ADARB2: variants seen among roughly 807,000 people sequenced by gnomAD.
ADARB2 encodes inactive double-stranded RNA-specific editase B2.
ADARB2 carries 25 observed loss-of-function variants against 62.2 expected under a neutral mutation model. That is an observed-to-expected ratio of 0.40 (90% confidence interval 0.29 to 0.56). ADARB2 has a LOEUF of 0.56. Among genes scored for constraint, ADARB2 ranks in the 20% least tolerant of loss-of-function variants. The pLI is 0.43. For synonymous variants in ADARB2, 572 were observed against 500.8 expected, an observed-to-expected ratio of 1.14 and a Z score of -1.90; for missense variants, 1,071 against 1,077.4, an observed-to-expected ratio of 0.99 and a Z score of 0.08.
At chr10:1,327,283 T>G (rs878926635) in intron 3 of ADARB2, among the ~76,000 whole-genome samples, 2 of 62,472 alleles carry the variant, frequency 3.2e-5, no homozygotes, top group Non-Finnish European at 6.7e-5. Flanking sequence ...CAGCGCCTCC[T>G]CACTGCCCAG....
At chr10:1,518,743 C>T (rs181235486) in intron 1 of ADARB2, among the ~76,000 whole-genome samples, 10 of 151,156 alleles carry the variant, frequency 6.6e-5, no homozygotes, top group Non-Finnish European at 1.0e-4. Flanking sequence ...TATTGTCATA[C>T]GCATGCATTC....
intron 3 of ADARB2, among the ~76,000 whole-genome samples, chr10:1,284,325 G>A (rs530902162): frequency 3.3e-5 from 5 of 152,258 alleles, no homozygotes; most frequent in South Asian, 2.1e-4. Context: ...GCCTGGCACC[G>A]AGGGCACGTC....
intron 3 of ADARB2, among the ~76,000 whole-genome samples, chr10:1,273,610 G>A (rs1306173872): frequency 6.6e-6 from 1 of 152,186 alleles, no homozygotes; most frequent in Non-Finnish European, 1.5e-5. Context: ...TGCCCCCCAC[G>A]ACCTTGCACG....
At chr10:1,202,051 T>C (rs1349273976) in intron 7 of ADARB2, among the ~76,000 whole-genome samples, 1 of 152,126 alleles carries the variant, frequency 6.6e-6, no homozygotes, top group Non-Finnish European at 1.5e-5. Context: ...GAAAGGAGAT[T>C]TTTTGTAACT....
chr10:1,240,311 TGTTTACTCCCCTCTGC>T, intron 5 of ADARB2: 1 of 149,026 alleles, frequency 6.7e-6, no homozygotes, highest in African/African-American at 2.5e-5. Flanking sequence ...TCCCTCCCGG[TGTTTACTCCCCTCTGC>T]CTCCCGGTGT....
chr10:1,597,336 AC>A (rs1833349442), intron 1 of ADARB2, among the ~76,000 whole-genome samples: 1 of 152,174 alleles, frequency 6.6e-6, no homozygotes, highest in South Asian at 2.1e-4. Flanking sequence ...TAAACAGACA[AC>A]CTACAGAATA....
At chr10:1,439,523 C>G (rs377363163) in intron 1 of ADARB2, among the ~76,000 whole-genome samples, 1 of 91,394 alleles carries the variant, frequency 1.1e-5, no homozygotes, top group African/African-American at 4.7e-5. Flanking sequence ...AGGCCCTTCA[C>G]GATGGGGCTC....
At chr10:1,204,057 G>C (rs1194419368) in intron 7 of ADARB2, among the ~76,000 whole-genome samples, 2 of 152,134 alleles carry the variant, frequency 1.3e-5, no homozygotes, top group Non-Finnish European at 2.9e-5. Context: ...GGCATTGGAA[G>C]AGCACAGGGG....
intron 1 of ADARB2, among the ~76,000 whole-genome samples, chr10:1,654,924 G>T (rs1192453481): frequency 6.6e-6 from 1 of 152,356 alleles, no homozygotes; most frequent in African/African-American, 2.4e-5. Flanking sequence ...TTGTGTGAAG[G>T]TGCTGGCCAG....
At chr10:1,549,239 C>A (rs900477114) in intron 1 of ADARB2, among the ~76,000 whole-genome samples, 1 of 150,948 alleles carries the variant, frequency 6.6e-6, no homozygotes, top group African/African-American at 2.4e-5. Flanking sequence ...CATTGAAAGG[C>A]GGAGTGGGGT....
At chr10:1,510,110 C>CTTTCTTTCTTTCTT (rs1289777469) in intron 1 of ADARB2, among the ~76,000 whole-genome samples, 10 of 106,252 alleles carry the variant, frequency 9.4e-5, no homozygotes, top group South Asian at 7.4e-4. Context: ...CTTTCTTTCT[C>CTTTCTTTCTTTCTT]TCTTTCTTTC....
chr10:1,217,267 C>T (rs920160529), intron 6 of ADARB2, 148 bp from the exon 7 acceptor site: 13 of 856,708 alleles, frequency 1.5e-5, no homozygotes, highest in African/African-American at 3.5e-5. Flanking sequence ...CAGAAATAAG[C>T]GCCATGTGGG....
At chr10:1,258,892 G>A (rs1419972092) in intron 4 of ADARB2, among the ~76,000 whole-genome samples, 1 of 152,110 alleles carries the variant, frequency 6.6e-6, no homozygotes, top group Non-Finnish European at 1.5e-5. Flanking sequence ...TGACCACATA[G>A]TTGGAAGTAA....
At chr10:1,188,765 GTCTAA>G (rs1564214837) in intron 8 of ADARB2, among the ~76,000 whole-genome samples, 3 of 152,224 alleles carry the variant, frequency 2.0e-5, no homozygotes, top group African/African-American at 7.2e-5. Context: ...GATCCCTGGA[GTCTAA>G]TGTGCAGAGA....
intron 3 of ADARB2, among the ~76,000 whole-genome samples, chr10:1,343,813 C>A (rs967253367): frequency 1.3e-5 from 2 of 152,028 alleles, no homozygotes; most frequent in African/African-American, 2.4e-5. Context: ...TATGTGGGAG[C>A]GAAACACTGG....
At chr10:1,346,766 A>G (rs535638540) in intron 3 of ADARB2, among the ~76,000 whole-genome samples, 114 of 152,386 alleles carry the variant, frequency 7.5e-4, no homozygotes, top group Non-Finnish European at 1.4e-3. Flanking sequence ...AGGCGAGGGC[A>G]CGTGGGTCCT....
In ADARB2 at chr10:1,641,233, G is replaced by A. The variant is rs1030739209; in HGVS notation, c.100+95818C>T. On this transcript the variant is annotated intron_variant, in intron 1 of 9. Coordinates refer to ENST00000381312, the MANE Select transcript of ADARB2 (RefSeq NM_018702.4). ...CTCTGGGCATTTAAATCTGAATCTA[G>A]CATTGACAAAGCATGGATTAGCTCC... 1.3e-5 allele frequency among the ~76,000 whole-genome samples: 2 copies of A among 152,268 alleles called. 1 individual carries two copies. Among genetic ancestry groups the A allele is most frequent in the Non-Finnish European group, 2.9e-5 (2 of 68,026 alleles).
intron 4 of ADARB2, among the ~76,000 whole-genome samples, chr10:1,260,611 C>G (rs1294594474): frequency 6.6e-6 from 1 of 151,952 alleles, no homozygotes; most frequent in Non-Finnish European, 1.5e-5. Flanking sequence ...TGAAGGACCT[C>G]TTCAAGGAGA....
intron 1 of ADARB2, among the ~76,000 whole-genome samples, chr10:1,733,321 G>C (rs1315999218): frequency 6.6e-6 from 1 of 152,062 alleles, no homozygotes; most frequent in African/African-American, 2.4e-5. Flanking sequence ...GGAAACTTCA[G>C]TCATTTTACA....
Sources: allele counts gnomAD v4.1 joint callset (sites outside exome capture counted in the v4.1 genomes callset), GRCh38; gene constraint gnomAD v4.1.1; transcripts MANE v1.5; gene names NCBI Gene and HGNC (gene_info 2026-07-23, HGNC 2026-07-21).